Variants in ZNF276 observed in about 807,000 individuals in gnomAD.
The protein encoded by ZNF276 is zinc finger protein 276, also known as centromere protein Z.
In ZNF276, 59 loss-of-function variants were observed where a neutral mutation model predicts 63.9. The ratio of observed to expected loss-of-function variants is 0.92; its 90% CI spans 0.75 to 1.15. The LOEUF (loss-of-function observed/expected upper bound fraction) is 1.15, where lower values mean the gene tolerates loss of function less well. Among genes scored for constraint, ZNF276 ranks in the 50% most tolerant of loss-of-function variants. ZNF276 has a pLI of 0.00. For missense variants in ZNF276, 1,084 were observed against 843.8 expected (o/e 1.28, Z -3.53); for synonymous variants, 496 against 348.4 (o/e 1.42, Z -4.72).
rs2061749494 is a variant in ZNF276 at position 89,733,654 on chromosome 16, C to G, written c.1356+97C>G. The G allele has an allele frequency of 2.8e-6, 4 of 1,406,410 alleles. No homozygotes were observed. The Admixed American group carries it at 5.2e-5, about 18-fold the overall frequency. 87.1% of individuals were successfully genotyped at this position (1,406,410 alleles called of 1,614,324 possible). Reference sequence around the variant, plus strand: ...CTGCAGCCTAACTCAGACTTGCGCCCAAGGACACTTTGACCTAGGTTAACC... The same window carrying G: ...CTGCAGCCTAACTCAGACTTGCGCCGAAGGACACTTTGACCTAGGTTAACC... On this transcript the variant is annotated intron_variant, in intron 8 of 10. Transcript: ENST00000443381.
intron 5 of ZNF276, among the ~76,000 whole-genome samples, chr16:89,728,741 T>C (rs1487191324): frequency 6.6e-6 from 1 of 152,070 alleles, no homozygotes; most frequent in Non-Finnish European, 1.5e-5. Context: ...TTCACGGTAT[T>C]GGCCAGGCTG....
At chr16:89,724,816 A>T (rs1597972436) in intron 4 of ZNF276, among the ~76,000 whole-genome samples, 2 of 135,322 alleles carry the variant, frequency 1.5e-5, no homozygotes, top group East Asian at 3.8e-4. Context: ...CTATCTGTGT[A>T]TCTATCTACC....
Position 89,739,917 on chromosome 16 carries a change from C to T in ZNF276, c.*1671C>T. The T allele has an allele frequency of 6.3e-7, 1 of 1,595,696 alleles. No homozygotes were observed. The highest frequency in any genetic ancestry group is 8.6e-7 in the Non-Finnish European group (1 of 1,168,050). ...ACTTAGCAAGGAACCTCAAGGAGGG[C>T]TCGTTCTTAACCATTTGCAAGATGC... is the stretch of plus-strand genomic sequence containing the variant. On this transcript the variant is annotated 3_prime_UTR_variant, in exon 11 of 11. Coordinates refer to ENST00000443381, the MANE Select transcript of ZNF276 (RefSeq NM_001113525.2).
chr16:89,733,620 C>T (rs749187333), intron 8 of ZNF276, 63 bp downstream of exon 8: 35 of 1,579,820 alleles, frequency 2.2e-5, no homozygotes, highest in African/African-American at 1.6e-4. Context: ...GGGGAGGTAG[C>T]AGGTGTTTCT....
intron 6 of ZNF276, 86 bp downstream of exon 6, chr16:89,729,404 C>T: frequency 6.1e-6 from 7 of 1,155,964 alleles, no homozygotes; most frequent in South Asian, 2.5e-5. Context: ...CCCCGGTGCC[C>T]ACTCAGTTCA....
chr16:89,736,902 T>A (rs1193341376), intron 9 of ZNF276, among the ~76,000 whole-genome samples: 1 of 149,684 alleles, frequency 6.7e-6, no homozygotes, highest in Non-Finnish European at 1.5e-5. Flanking sequence ...AAGACTCAAG[T>A]CTCAAAAAAA....
Position 89,722,678 on chromosome 16 carries a change from A to G in ZNF276, c.353A>G (p.Gln118Arg), listed in dbSNP as rs2061335029. The stretch of plus-strand genomic sequence containing the variant: ...GAGCGCGTGCTCGTACGGGACTTCC[A>G]GCGCCTGCTTGGTGTGGCTGTCCGC... ...AEERVLVRDFQRLLGVAVRQD... is the reference protein window; with the variant it reads ...AEERVLVRDFRRLLGVAVRQD... Residue 118 changes from glutamine to arginine, a missense_variant, in exon 2 of 11, where the codon CAG (glutamine) becomes CGG (arginine). By Grantham distance (43) the Gln-to-Arg change is conservative. Transcript: ENST00000443381. 1 of 1,612,296 alleles carries G rather than the reference A, an allele frequency of 6.2e-7. No individual in the cohort carries two copies. Among genetic ancestry groups the G allele is most frequent in the Non-Finnish European group, 8.5e-7 (1 of 1,180,026 alleles).
At chr16:89,733,823 G>C (rs1052346101) in intron 8 of ZNF276, 98 bp from the exon 9 acceptor site, 3 of 1,149,660 alleles carry the variant, frequency 2.6e-6, no homozygotes, top group East Asian at 2.4e-5. Flanking sequence ...GGAGGAGTTG[G>C]ATCTGCCTTC....
At position 89,740,279 on chromosome 16, in the gene ZNF276, G is replaced by C. The variant is rs148216409; in HGVS notation, c.*2033G>C. The C allele has an allele frequency of 5.6e-4, 354 of 631,234 alleles. 3 individuals are homozygous for C. The African/African-American group carries it at 5.9e-3, about 10-fold the overall frequency. 39.1% of individuals were successfully genotyped at this position (631,234 alleles called of 1,614,324 possible). A position where few individuals can be genotyped will look rare whatever the true frequency, so the allele number is the denominator to read the frequency against. ...CCTCTGGACAGAAGAGGCTCAGGTA[G>C]GAGGCCAGGGACTTCGAGCACCCAC... is the stretch of plus-strand genomic sequence containing the variant. On this transcript the variant is annotated 3_prime_UTR_variant, in exon 11 of 11. Transcript: ENST00000443381.
intron 5 of ZNF276, among the ~76,000 whole-genome samples, chr16:89,729,025 G>A (rs1459675398): frequency 6.6e-6 from 1 of 152,252 alleles, no homozygotes; most frequent in Non-Finnish European, 1.5e-5. Flanking sequence ...AGAGCACATG[G>A]CTTGTGGGGA....
At position 89,737,924 on chromosome 16, in the gene ZNF276, C is replaced by T. The variant is rs776104378; in HGVS notation, c.1574+19C>T. 2.9e-5 allele frequency: 45 copies of T among 1,571,024 alleles called. No individual in the cohort carries two copies. The highest frequency in any genetic ancestry group is 3.5e-5 in the Non-Finnish European group (41 of 1,169,060). ...CTTTGCAGTAAGTGTGAGTCAGGAC[C>T]CCCTCCCAGGGCTGTGGCCCTCGCA... is the stretch of plus-strand genomic sequence containing the variant. On this transcript the variant is annotated intron_variant, in intron 10 of 10. Transcript: ENST00000443381.
chr16:89,730,699 C>T (rs2061617413), intron 6 of ZNF276, among the ~76,000 whole-genome samples: 1 of 152,190 alleles, frequency 6.6e-6, no homozygotes, highest in Admixed American at 6.5e-5. Context: ...TGGTAGCAAG[C>T]ATGGCCTCCT....
chr16:89,737,810 G>C lies in ZNF276; in HGVS notation c.1479G>C (p.Val493=), dbSNP rs757278617. ...QRHVKLIHTE[V]RNYICDECGQ... ...CACTGGACTCTCCCCTCTCAGAGGTGCGGAACTATATCTGTGACGAATGTG... is the reference window on the plus strand; with the variant it reads ...CACTGGACTCTCCCCTCTCAGAGGTCCGGAACTATATCTGTGACGAATGTG... The change falls in exon 10 of 11, where the codon GTG becomes GTC. Residue 493 remains valine, a synonymous_variant. Coordinates refer to ENST00000443381, the MANE Select transcript of ZNF276 (RefSeq NM_001113525.2). The C allele has an allele frequency of 6.2e-7, 1 of 1,614,184 alleles. No individual in the cohort carries two copies. Among genetic ancestry groups the C allele is most frequent in the East Asian group, 2.2e-5 (1 of 44,874 alleles).
At chr16:89,732,303 A>G in intron 6 of ZNF276, 1 of 152,474 alleles carries the variant, frequency 6.6e-6, no homozygotes, top group Non-Finnish European at 1.5e-5. Flanking sequence ...CCCAGCCAGC[A>G]GCTCCAGGAA....
At chr16:89,737,618 GAC>G (rs1157496317) in intron 9 of ZNF276, 186 bp from the exon 10 acceptor site, 6 of 1,127,636 alleles carry the variant, frequency 5.3e-6, no homozygotes, top group South Asian at 5.0e-5. Context: ...GAAGCCACGT[GAC>G]AGTGTATAAA....
chr16:89,740,174 CACAGA>C lies in ZNF276; in HGVS notation c.*1930_*1934del. ...ATGGGTAGGAGGGTACAGCCCTCAG[CACAGA>C]AGAGGGCATTTCCTCTTTGCTTATT... is the stretch of plus-strand genomic sequence containing the variant. On this transcript the variant is annotated 3_prime_UTR_variant, in exon 11 of 11. Coordinates refer to ENST00000443381, the MANE Select transcript of ZNF276 (RefSeq NM_001113525.2). The C allele has an allele frequency of 8.7e-7, 1 of 1,148,822 alleles. No homozygotes were observed. Among genetic ancestry groups the C allele is most frequent in the Non-Finnish European group, 1.3e-6 (1 of 757,014 alleles). The allele number at this position is 1,148,822 out of a possible 1,614,324, so 71.2% of individuals were successfully genotyped here. A position where few individuals can be genotyped will look rare whatever the true frequency, so the allele number is the denominator to read the frequency against.
intron 4 of ZNF276, among the ~76,000 whole-genome samples, chr16:89,725,135 G>C (rs1437331116): frequency 6.7e-6 from 1 of 148,414 alleles, no homozygotes; most frequent in Non-Finnish European, 1.5e-5. Flanking sequence ...GCTTGGTCTC[G>C]AACTCCTGAC....
At chr16:89,733,158 G>C in intron 6 of ZNF276, 144 bp from the exon 7 acceptor site, 1 of 768,668 alleles carries the variant, frequency 1.3e-6, no homozygotes, top group Non-Finnish European at 2.1e-6. Context: ...GGCTTTGGTG[G>C]CTTCAGGTAG....
At position 89,733,931 on chromosome 16, in the gene ZNF276, A is replaced by C; in HGVS notation, c.1367A>C (p.Lys456Thr). The change falls in exon 9 of 11, where the codon AAG becomes ACG. Residue 456 changes from lysine to threonine, a missense_variant. Coordinates refer to ENST00000443381, the MANE Select transcript of ZNF276 (RefSeq NM_001113525.2). ...RGADGMKKHI[K>T]EHHEEVRERP... is the part of the protein sequence containing the mutation. ...GAGTCTCTCCTTCAGAAGCACATCAAGGAGCACCACGAGGAGGTCCGGGAG... is the reference window on the plus strand; with the variant it reads ...GAGTCTCTCCTTCAGAAGCACATCACGGAGCACCACGAGGAGGTCCGGGAG... 1 of 1,613,830 alleles carries C rather than the reference A, an allele frequency of 6.2e-7. No individual in the cohort carries two copies. The highest frequency in any genetic ancestry group is 8.5e-7 in the Non-Finnish European group (1 of 1,179,960).
Sources: allele counts gnomAD v4.1 joint callset (sites outside exome capture counted in the v4.1 genomes callset), GRCh38; gene constraint gnomAD v4.1.1; transcripts MANE v1.5; gene names NCBI Gene and HGNC (gene_info 2026-07-23, HGNC 2026-07-21).